The following RERE variants were observed in gnomAD, a reference collection of about 807,000 sequenced individuals.
RERE encodes arginine-glutamic acid dipeptide repeats protein.
A neutral mutation model predicts 146.1 loss-of-function variants in RERE; 40 were observed. The observed-to-expected ratio is 0.27, with a 90% CI of 0.21 to 0.36. The LOEUF (loss-of-function observed/expected upper bound fraction) is 0.36. Among genes scored for constraint, RERE ranks in the 10% least tolerant of loss-of-function variants. The probability of loss-of-function intolerance (pLI) is 1.00; values close to 1 mark genes in which losing one functional copy is unlikely to be tolerated. For synonymous variants in RERE, 1,003 were observed against 866.0 expected (o/e 1.16, Z -2.78); for missense variants, 1,933 against 2,138.7 (o/e 0.90, Z 1.90).
chr1:8,613,376 C>A (rs1646814326), intron 4 of RERE, among the ~76,000 whole-genome samples: 1 of 152,212 alleles, frequency 6.6e-6, no homozygotes, highest in Non-Finnish European at 1.5e-5. Flanking sequence ...CTTCTCACAA[C>A]TCCCAGACTC....
chr1:8,703,023 C>A (rs1639487086), intron 1 of RERE: 1 of 152,082 alleles, frequency 6.6e-6, no homozygotes, highest in Admixed American at 6.5e-5. Flanking sequence ...GATTCGCGTC[C>A]CCCTCGACGC....
chr1:8,426,328 C>T (rs779009481), intron 11 of RERE, among the ~76,000 whole-genome samples: 1 of 151,922 alleles, frequency 6.6e-6, no homozygotes, highest in Non-Finnish European at 1.5e-5. Flanking sequence ...GTGGTGGGCG[C>T]CTGTAGTCCC....
At chr1:8,723,564 T>C (rs1639903076) in intron 1 of RERE, among the ~76,000 whole-genome samples, 1 of 152,224 alleles carries the variant, frequency 6.6e-6, no homozygotes, top group Non-Finnish European at 1.5e-5. Context: ...TGAGTTCTAT[T>C]AATTCAGACT....
intron 12 of RERE, among the ~76,000 whole-genome samples, chr1:8,379,120 C>T (rs1642358453): frequency 6.6e-6 from 1 of 152,144 alleles, no homozygotes; most frequent in Non-Finnish European, 1.5e-5. Context: ...GATCTAAAGA[C>T]AGCTGGCTCG....
At chr1:8,502,640 T>C (rs1429372727) in intron 8 of RERE, among the ~76,000 whole-genome samples, 2 of 149,188 alleles carry the variant, frequency 1.3e-5, no homozygotes, top group Admixed American at 6.7e-5. Context: ...TTTTGTGGAA[T>C]AGAAAGGCGG....
chr1:8,690,914 T>G (rs1330657156), intron 1 of RERE, among the ~76,000 whole-genome samples: 2 of 152,182 alleles, frequency 1.3e-5, no homozygotes, highest in Admixed American at 1.3e-4. Context: ...TTTATTTATT[T>G]TTGAGACGGT....
chr1:8,721,603 C>T (rs926237663), intron 1 of RERE, among the ~76,000 whole-genome samples: 2 of 152,124 alleles, frequency 1.3e-5, no homozygotes, highest in African/African-American at 2.4e-5. Flanking sequence ...TGTGAGCCAC[C>T]GTGCCTGGCA....
chr1:8,781,508 G>GGT lies in RERE; in HGVS notation c.-145+35650_-145+35651dup, dbSNP rs531773815. Among the ~76,000 whole-genome samples the GGT allele has an allele frequency of 5.1e-3, 771 of 151,838 alleles. 1 individual carries two copies. Among genetic ancestry groups the GGT allele is most frequent in the Non-Finnish European group, 9.3e-3 (629 of 67,942 alleles). On this transcript the variant is annotated intron_variant, in intron 1 of 22. Coordinates refer to ENST00000400908, the MANE Select transcript of RERE (RefSeq NM_001042681.2). ...CACTGCATTCCAGCCTGGGCAACAGGGTGAGACCCTGTCTTAAAACAAATA... is the reference window on the plus strand; with the variant it reads ...CACTGCATTCCAGCCTGGGCAACAGGGTGTGAGACCCTGTCTTAAAACAAATA...
chr1:8,651,040 T>C (rs1570565604), intron 2 of RERE, among the ~76,000 whole-genome samples: 1 of 151,894 alleles, frequency 6.6e-6, no homozygotes, highest in Middle Eastern at 3.4e-3. Flanking sequence ...GAGGTTGCAG[T>C]GAGTTGAGAT....
At chr1:8,646,637 G>C (rs1238248871) in intron 2 of RERE, among the ~76,000 whole-genome samples, 4 of 152,094 alleles carry the variant, frequency 2.6e-5, no homozygotes, top group Non-Finnish European at 4.4e-5. Flanking sequence ...GGTGTGATTA[G>C]TTAACATTAA....
At chr1:8,491,579 C>T (rs116222791) in intron 10 of RERE, among the ~76,000 whole-genome samples, 4,165 of 151,624 alleles carry the variant, frequency 0.027, 77 homozygotes, top group Non-Finnish European at 0.041. Flanking sequence ...TGATCCACCA[C>T]TGCACTCCAG....
intron 1 of RERE, among the ~76,000 whole-genome samples, chr1:8,727,666 G>C (rs1639999136): frequency 6.6e-6 from 1 of 151,960 alleles, no homozygotes; most frequent in Non-Finnish European, 1.5e-5. Context: ...GCTGATTTTT[G>C]TATTTTTGGT....
intron 11 of RERE, chr1:8,465,634 C>A (rs565456239): frequency 2.9e-4 from 136 of 465,932 alleles, no homozygotes; most frequent in Non-Finnish European, 5.2e-4. Context: ...CTAGCTTGCA[C>A]CAAAAACAAG....
chr1:8,772,969 C>T (rs112529320), intron 1 of RERE, among the ~76,000 whole-genome samples: 2,735 of 152,182 alleles, frequency 0.018, 99 homozygotes, highest in African/African-American at 0.064. Context: ...TGCATGTAAT[C>T]CCAGCTACTT....
At chr1:8,788,479 C>T (rs896290147) in intron 1 of RERE, among the ~76,000 whole-genome samples, 3 of 151,860 alleles carry the variant, frequency 2.0e-5, no homozygotes. Flanking sequence ...ATTCTCCTGC[C>T]TTAGCCTCCT....
intron 12 of RERE, among the ~76,000 whole-genome samples, chr1:8,422,107 A>T (rs529747294): frequency 1.3e-5 from 2 of 152,226 alleles, no homozygotes; most frequent in East Asian, 3.8e-4. Flanking sequence ...CCTCACGTTT[A>T]TCGGGCACAT....
In RERE at chr1:8,360,231, C is replaced by G; in HGVS notation, c.3276G>C (p.Gln1092His). The change falls in exon 18 of 23, where the codon CAG becomes CAC. Residue 1092 changes from glutamine (Q) to histidine (H), a missense_variant. Gln to His is a conservative substitution (Grantham distance 24). Around this residue, in one of 11 missense-constraint regions of RERE, gnomAD observed 1,255 missense variants for 1,153.8 expected, o/e 1.09. Transcript: ENST00000400908. ...CGTCGTCCAGAGCCTCCTCCTTGAT[C>G]TGGACGGTGGGGAGTGGGCAGGACG... ...GGSSCPLPTV[Q>H]IKEEALDDAE... is the part of the protein sequence containing the mutation. 6.3e-7 allele frequency: 1 copy of G among 1,585,860 alleles called. No individual in the cohort carries two copies. Among genetic ancestry groups the G allele is most frequent in the Non-Finnish European group, 8.6e-7 (1 of 1,167,220 alleles).
At chr1:8,609,465 A>T (rs1646764413) in intron 4 of RERE, among the ~76,000 whole-genome samples, 1 of 152,336 alleles carries the variant, frequency 6.6e-6, no homozygotes, top group South Asian at 2.1e-4. Context: ...TGTATTAGCA[A>T]TTCTTCTGAA....
chr1:8,699,286 T>A (rs1418145150), intron 1 of RERE, among the ~76,000 whole-genome samples: 1 of 152,118 alleles, frequency 6.6e-6, no homozygotes, highest in African/African-American at 2.4e-5. Context: ...ACCCCAGGTA[T>A]CACAGTGAGT....
Sources: gnomAD v4.1 joint callset for allele counts (sites outside exome capture counted in the v4.1 genomes callset) on GRCh38, gnomAD v4.1.1 for gene constraint, gnomAD v4.1.1 regional missense constraint, MANE v1.5 for transcripts, NCBI Gene and HGNC (gene_info 2026-07-23, HGNC 2026-07-21) for gene names.